The following CNTN4 variants were observed in gnomAD, a reference collection of about 807,000 sequenced individuals.
CNTN4 encodes the protein contactin 4.
In CNTN4, 77 loss-of-function variants were observed where a neutral mutation model predicts 122.5. The ratio of observed to expected loss-of-function variants is 0.63; its 90% CI spans 0.52 to 0.76. The LOEUF (loss-of-function observed/expected upper bound fraction) is 0.76, where lower values mean the gene tolerates loss of function less well. CNTN4 is among the 30% of genes least tolerant of loss of function. CNTN4 has a pLI of 0.00. For synonymous variants in CNTN4, 512 were observed against 447.0 expected (o/e 1.15, Z -1.83); for missense variants, 1,256 against 1,259.1 (o/e 1.00, Z 0.04).
At chr3:2,447,119 C>G (rs2048656255) in intron 3 of CNTN4, among the ~76,000 whole-genome samples, 1 of 152,106 alleles carries the variant, frequency 6.6e-6, no homozygotes, top group Non-Finnish European at 1.5e-5. Context: ...TATAATGAGT[C>G]TTCTTTTTTT....
At chr3:2,498,314 A>G (rs1318223106) in intron 3 of CNTN4, among the ~76,000 whole-genome samples, 1 of 152,180 alleles carries the variant, frequency 6.6e-6, no homozygotes, top group Non-Finnish European at 1.5e-5. Flanking sequence ...TGTGGTAATT[A>G]CAGTTCAGTT....
chr3:3,009,918 C>T (rs909407225), intron 14 of CNTN4, among the ~76,000 whole-genome samples: 3 of 151,252 alleles, frequency 2.0e-5, no homozygotes, highest in South Asian at 2.1e-4. Context: ...TCCCCATACC[C>T]ACATTAATAT....
rs753258330 is a variant in CNTN4 at position 2,672,580 on chromosome 3, G to A, written c.56-63635G>A. Among the ~76,000 whole-genome samples, 11 of 152,262 alleles carry A rather than the reference G, an allele frequency of 7.2e-5. No individual in the cohort carries two copies. The East Asian group carries it at 1.2e-3, about 16-fold the overall frequency. ...CACTTCCCGGGTGAGGCAATGCGTC[G>A]CCCTGCTTCGGCTCACACTTGGTGC... On this transcript the variant is annotated intron_variant, in intron 4 of 24. Transcript: ENST00000418658.
At chr3:3,036,662 G>A (rs1176027138) in intron 17 of CNTN4, among the ~76,000 whole-genome samples, 1 of 151,870 alleles carries the variant, frequency 6.6e-6, no homozygotes, top group East Asian at 1.9e-4. Flanking sequence ...TGCTACTCAG[G>A]AGGCTGAGGC....
intron 7 of CNTN4, among the ~76,000 whole-genome samples, chr3:2,839,221 G>C (rs903780860): frequency 1.3e-5 from 2 of 152,122 alleles, no homozygotes; most frequent in African/African-American, 4.8e-5. Flanking sequence ...TGATATAATA[G>C]CTAAAGGTGT....
intron 2 of CNTN4, among the ~76,000 whole-genome samples, chr3:2,257,336 A>G (rs1466192754): frequency 6.6e-6 from 1 of 152,128 alleles, no homozygotes; most frequent in Admixed American, 6.6e-5. Context: ...CATAAAAACC[A>G]CAGAAGAAAA....
At chr3:2,625,542 G>A (rs1254220563) in intron 4 of CNTN4, among the ~76,000 whole-genome samples, 1 of 152,032 alleles carries the variant, frequency 6.6e-6, no homozygotes, top group Non-Finnish European at 1.5e-5. Flanking sequence ...CTACTTTTAT[G>A]GTTTTGCCAC....
At chr3:2,338,489 A>G (rs996695683) in intron 2 of CNTN4, among the ~76,000 whole-genome samples, 3 of 152,104 alleles carry the variant, frequency 2.0e-5, no homozygotes, top group South Asian at 4.1e-4. Context: ...ACTATAAGAC[A>G]GTTATTTTAC....
At chr3:2,468,364 T>A (rs1016158791) in intron 3 of CNTN4, among the ~76,000 whole-genome samples, 1 of 152,126 alleles carries the variant, frequency 6.6e-6, no homozygotes, top group African/African-American at 2.4e-5. Flanking sequence ...AGTGGGCATA[T>A]CAGATTTTGG....
At chr3:2,292,842 A>T (rs2042183165) in intron 2 of CNTN4, among the ~76,000 whole-genome samples, 1 of 152,144 alleles carries the variant, frequency 6.6e-6, no homozygotes, top group Non-Finnish European at 1.5e-5. Context: ...CCAGTTTGGG[A>T]CTACTATAAA....
intron 3 of CNTN4, among the ~76,000 whole-genome samples, chr3:2,410,261 A>T (rs948813188): frequency 1.3e-5 from 2 of 152,214 alleles, no homozygotes; most frequent in African/African-American, 4.8e-5. Context: ...GCATGTCTCT[A>T]ACTCATCCTT....
chr3:2,768,845 A>G (rs1166275306), intron 6 of CNTN4, among the ~76,000 whole-genome samples: 2 of 152,186 alleles, frequency 1.3e-5, no homozygotes, highest in Non-Finnish European at 2.9e-5. Context: ...ATTTATCATC[A>G]TCACCATCCC....
At chr3:2,885,764 A>G (rs1258926104) in intron 9 of CNTN4, among the ~76,000 whole-genome samples, 1 of 152,208 alleles carries the variant, frequency 6.6e-6, no homozygotes, top group African/African-American at 2.4e-5. Flanking sequence ...TTTTGCTTTT[A>G]GTGGCATCCT....
chr3:2,978,577 C>G (rs550730504), intron 13 of CNTN4, among the ~76,000 whole-genome samples: 1 of 152,210 alleles, frequency 6.6e-6, no homozygotes, highest in Non-Finnish European at 1.5e-5. Flanking sequence ...TGAAATCATA[C>G]AATTATTAGA....
At chr3:2,240,160 T>C (rs972797424) in intron 2 of CNTN4, among the ~76,000 whole-genome samples, 3 of 152,224 alleles carry the variant, frequency 2.0e-5, no homozygotes, top group Non-Finnish European at 4.4e-5. Flanking sequence ...ATTATATTTT[T>C]AGTCTAGATA....
intron 3 of CNTN4, among the ~76,000 whole-genome samples, chr3:2,391,465 A>C (rs935523768): frequency 3.3e-5 from 5 of 152,322 alleles, no homozygotes; most frequent in South Asian, 2.1e-4. Context: ...TATATGAAGA[A>C]TACAATGAAG....
intron 3 of CNTN4, among the ~76,000 whole-genome samples, chr3:2,561,252 A>G (rs2078940573): frequency 6.6e-6 from 1 of 152,146 alleles, no homozygotes; most frequent in Non-Finnish European, 1.5e-5. Flanking sequence ...ACAGTCATTT[A>G]TTTGGGAGGT....
chr3:2,756,838 C>A (rs1271759511), intron 6 of CNTN4, among the ~76,000 whole-genome samples: 1 of 152,130 alleles, frequency 6.6e-6, no homozygotes, highest in African/African-American at 2.4e-5. Context: ...TTCGAAGGTG[C>A]CCAGCACTGC....
At chr3:2,891,448 A>G (rs1278784435) in intron 10 of CNTN4, among the ~76,000 whole-genome samples, 2 of 152,110 alleles carry the variant, frequency 1.3e-5, no homozygotes, top group South Asian at 2.1e-4. Context: ...CTCCATCTCA[A>G]ATAAATAAAT....
Sources: gnomAD v4.1 joint callset for allele counts (sites outside exome capture counted in the v4.1 genomes callset) on GRCh38, gnomAD v4.1.1 for gene constraint, MANE v1.5 for transcripts, NCBI Gene and HGNC (gene_info 2026-07-23, HGNC 2026-07-21) for gene names.